PACRGL: variants seen among roughly 807,000 people sequenced by gnomAD.
PACRGL encodes PACRG-like protein.
PACRGL carries 38 observed loss-of-function variants against 34.5 expected under a neutral mutation model. That is an observed-to-expected ratio of 1.10 (90% CI 0.85 to 1.44). The LOEUF (loss-of-function observed/expected upper bound fraction) is 1.44, where lower values mean the gene tolerates loss of function less well. Among genes scored for constraint, PACRGL ranks in the 40% most tolerant of loss-of-function variants. The pLI is 0.00. For missense variants in PACRGL, 305 were observed against 281.4 expected (o/e 1.08, Z -0.60); for synonymous variants, 128 against 100.1 (o/e 1.28, Z -1.66).
At chr4:20,701,031 T>A (rs1731928736) in intron 1 of PACRGL, among the ~76,000 whole-genome samples, 1 of 152,170 alleles carries the variant, frequency 6.6e-6, no homozygotes, top group Admixed American at 6.5e-5. Flanking sequence ...CTGGGATAAG[T>A]GACTATTGGG....
chr4:20,711,161 G>GC (rs983328092), intron 5 of PACRGL, among the ~76,000 whole-genome samples: 1 of 146,778 alleles, frequency 6.8e-6, no homozygotes, highest in Admixed American at 6.8e-5. Flanking sequence ...AGCAAACCAT[G>GC]TTTTTTTTTT....
chr4:20,749,855 T>G, intron 8 of PACRGL: 2 of 580,290 alleles, frequency 3.4e-6, no homozygotes, highest in Non-Finnish European at 6.0e-6. Context: ...GTTTGTGCTT[T>G]CTTCACAACT....
rs1399622151 is a variant in PACRGL, at chr4:20,712,822, T to C, written c.401T>C (p.Val134Ala). The C allele has an allele frequency of 6.3e-7, 1 of 1,596,646 alleles. No homozygotes were observed. The highest frequency in any genetic ancestry group is 1.7e-5 in the Admixed American group (1 of 59,054). ...LRETKHPYTF[V>A]SKEGFRELLL... is the part of the protein sequence containing the mutation. The stretch of plus-strand genomic sequence containing the variant: ...GAGACTAAGCATCCATACACTTTTG[T>C]GTCAAAGGAGGGTTTTAGAGAATTA... The change falls in exon 6 of 9, where the codon GTG (valine) becomes GCG (alanine). Residue 134 changes from valine (V) to alanine (A), a missense_variant. Physicochemically the swap from Val to Ala is moderately conservative, Grantham distance 64 (BLOSUM62 0). Coordinates refer to ENST00000503585, the MANE Select transcript of PACRGL (RefSeq NM_001258345.3).
downstream of PACRGL, among the ~76,000 whole-genome samples, chr4:20,756,677 C>T (rs1754492845): frequency 1.3e-5 from 2 of 152,002 alleles, no homozygotes; most frequent in Non-Finnish European, 2.9e-5. Flanking sequence ...ATCCAGGGCA[C>T]TTGGGCTGTC....
chr4:20,729,106 GGTTTCTTTCTTTGTCCCTGA>G lies in PACRGL; in HGVS notation c.*1766_*1785del, dbSNP rs1747018943. ...TCTTAGTAGACAGTGGGGTAGTCAA[GGTTTCTTTCTTTGTCCCTGA>G]ATGGCTTGTAATATAAATAAACATG... On this transcript the variant is annotated 3_prime_UTR_variant, in exon 9 of 9. Coordinates refer to ENST00000503585, the MANE Select transcript of PACRGL (RefSeq NM_001258345.3). The G allele has an allele frequency of 6.6e-6, 1 of 151,808 alleles. No individual in the cohort carries two copies. Among genetic ancestry groups the G allele is most frequent in the African/African-American group, 2.4e-5 (1 of 41,336 alleles). The allele number at this position is 151,808 out of a possible 1,614,324, so 9.4% of individuals were successfully genotyped here.
intron 8 of PACRGL, among the ~76,000 whole-genome samples, chr4:20,748,666 T>C (rs111245686): frequency 0.1 from 14,690 of 144,676 alleles, 1,026 homozygotes; most frequent in Middle Eastern, 0.19. Context: ...AAGCAAAATA[T>C]GTATAATGCT....
In PACRGL at chr4:20,728,603, C is replaced by T. The variant is rs1198700607; in HGVS notation, c.*1262C>T. On this transcript the variant is annotated 3_prime_UTR_variant, in exon 9 of 9. Transcript: ENST00000503585. Reference sequence around the variant, plus strand: ...TCTTGGAAAAGACCTGTAACATAGACAGTAGAGTTATAAACATTTTATTTT... The same window carrying T: ...TCTTGGAAAAGACCTGTAACATAGATAGTAGAGTTATAAACATTTTATTTT... The T allele has an allele frequency of 6.6e-6, 1 of 152,520 alleles. No individual in the cohort carries two copies. Among genetic ancestry groups the T allele is most frequent in the African/African-American group, 2.4e-5 (1 of 41,412 alleles). 9.4% of individuals were successfully genotyped at this position (152,520 alleles called of 1,614,324 possible).
downstream of PACRGL, among the ~76,000 whole-genome samples, chr4:20,756,352 C>G (rs1308793384): frequency 2.6e-5 from 4 of 152,120 alleles, no homozygotes; most frequent in Non-Finnish European, 5.9e-5. Context: ...ACTCCACTAT[C>G]CCATCGCATC....
At chr4:20,710,529 A>C (rs1440693227) in intron 5 of PACRGL, among the ~76,000 whole-genome samples, 1 of 152,172 alleles carries the variant, frequency 6.6e-6, no homozygotes, top group African/African-American at 2.4e-5. Flanking sequence ...ATTAGTAATA[A>C]AGCACCTGAG....
chr4:20,738,628 A>G (rs1750281601), intron 8 of PACRGL, among the ~76,000 whole-genome samples: 1 of 152,232 alleles, frequency 6.6e-6, no homozygotes, highest in South Asian at 2.1e-4. Context: ...GAATCCCCCC[A>G]AGATGGCTAC....
At chr4:20,721,808 G>C (rs1483475256) in intron 7 of PACRGL, among the ~76,000 whole-genome samples, 1 of 152,234 alleles carries the variant, frequency 6.6e-6, no homozygotes, top group Non-Finnish European at 1.5e-5. Context: ...TCCGTTCTCA[G>C]ATCTCAAACT....
chr4:20,736,294 T>G (rs1304480951), downstream of PACRGL, among the ~76,000 whole-genome samples: 3 of 152,242 alleles, frequency 2.0e-5, no homozygotes, highest in African/African-American at 7.2e-5. Flanking sequence ...CCATTGTATA[T>G]GTAAATACAT....
intron 4 of PACRGL, among the ~76,000 whole-genome samples, chr4:20,708,357 A>G (rs1485325042): frequency 1.3e-5 from 2 of 152,112 alleles, no homozygotes; most frequent in Non-Finnish European, 2.9e-5. Context: ...ATTTATTTCT[A>G]TAAAGCATTT....
chr4:20,704,379 T>G (rs1040781525), intron 1 of PACRGL, 87 bp from the exon 2 acceptor site: 34 of 1,226,716 alleles, frequency 2.8e-5, no homozygotes, highest in Non-Finnish European at 3.7e-5. Context: ...CTGTATTGTA[T>G]ACTCTGTTCT....
At chr4:20,707,461 T>C (rs759506716) in intron 3 of PACRGL, among the ~76,000 whole-genome samples, 7 of 152,196 alleles carry the variant, frequency 4.6e-5, no homozygotes, top group Non-Finnish European at 1.0e-4. Context: ...GTAGGAGATG[T>C]GCAGGTGGCA....
At chr4:20,743,851 A>G (rs1020784461) in intron 8 of PACRGL, among the ~76,000 whole-genome samples, 1 of 152,154 alleles carries the variant, frequency 6.6e-6, no homozygotes, top group African/African-American at 2.4e-5. Flanking sequence ...AAATGGGAGA[A>G]AATTTTCGCA....
chr4:20,735,926 G>C (rs1020626545), downstream of PACRGL, among the ~76,000 whole-genome samples: 1 of 152,106 alleles, frequency 6.6e-6, no homozygotes, highest in Non-Finnish European at 1.5e-5. Context: ...AAAGCAGAGG[G>C]GAAATCCAAA....
rs1254604844 is a variant in PACRGL, at chr4:20,727,376, G to A, written c.*35G>A. 3.3e-6 allele frequency: 5 copies of A among 1,532,042 alleles called. No individual in the cohort carries two copies. The South Asian group carries it at 4.5e-5, about 14-fold the overall frequency. 94.9% of individuals were successfully genotyped at this position (1,532,042 alleles called of 1,614,324 possible). On this transcript the variant is annotated 3_prime_UTR_variant, in exon 9 of 9. Transcript: ENST00000503585. ...CCAACAAAAATTGTTTTTTCTACCTGTTGACGTGTCAAGCACTAACTGTGG... is the reference window on the plus strand; with the variant it reads ...CCAACAAAAATTGTTTTTTCTACCTATTGACGTGTCAAGCACTAACTGTGG...
At chr4:20,722,342 T>G (rs566447384) in intron 7 of PACRGL, among the ~76,000 whole-genome samples, 1 of 152,312 alleles carries the variant, frequency 6.6e-6, no homozygotes, top group East Asian at 1.9e-4. Flanking sequence ...CTGCACCCAC[T>G]GTCCAACAAG....
Sources: gnomAD v4.1 joint callset for allele counts (sites outside exome capture counted in the v4.1 genomes callset) on GRCh38, gnomAD v4.1.1 for gene constraint, MANE v1.5 for transcripts, NCBI Gene and HGNC (gene_info 2026-07-23, HGNC 2026-07-21) for gene names.